Variants in MYO16 observed in about 807,000 individuals in gnomAD.
The protein encoded by MYO16 is myosin XVI.
MYO16 carries 94 observed loss-of-function variants against 205.3 expected under a neutral mutation model. The observed-to-expected ratio is 0.46, with a 90% CI of 0.39 to 0.54. The LOEUF is 0.54. Ranked by LOEUF, MYO16 falls within the 20% of genes least tolerant of loss-of-function variation. The probability of loss-of-function intolerance (pLI) is 0.00; values close to 1 mark genes in which losing one functional copy is unlikely to be tolerated. For synonymous variants in MYO16, 988 were observed against 954.0 expected (o/e 1.04, Z -0.66); for missense variants, 2,315 against 2,387.5 (o/e 0.97, Z 0.63).
At chr13:108,599,447 C>A (rs990430646) in intron 1 of MYO16, among the ~76,000 whole-genome samples, 1 of 152,102 alleles carries the variant, frequency 6.6e-6, no homozygotes, top group South Asian at 2.1e-4. Context: ...AACTAGTTTA[C>A]CGTCCCACTT....
intron 4 of MYO16, among the ~76,000 whole-genome samples, chr13:108,758,252 A>G (rs1885487431): frequency 6.6e-6 from 1 of 152,206 alleles, no homozygotes; most frequent in Non-Finnish European, 1.5e-5. Context: ...GTCTGAATAA[A>G]CTAAAACACT....
intron 4 of MYO16, among the ~76,000 whole-genome samples, chr13:108,783,318 C>G (rs1886362706): frequency 6.6e-6 from 1 of 152,164 alleles, no homozygotes; most frequent in Non-Finnish European, 1.5e-5. Context: ...CTTGCTTGGG[C>G]CCTGTAACCC....
chr13:109,056,991 G>C lies in MYO16; in HGVS notation c.3335+1396G>C, dbSNP rs1887437274. 2.0e-5 allele frequency among the ~76,000 whole-genome samples: 3 copies of C among 152,076 alleles called. No individual in the cohort carries two copies. In the South Asian group the frequency reaches 6.2e-4, roughly 31 times the overall value. On this transcript the variant is annotated intron_variant, in intron 27 of 34. Coordinates refer to ENST00000457511, the MANE Select transcript of MYO16 (RefSeq NM_001198950.3). The stretch of plus-strand genomic sequence containing the variant: ...TTCATCCAAAAAAGAGAGATTTTGA[G>C]ACTTTTGTTGACTAGTTCAATGTGA...
chr13:109,124,967 T>G (rs1419827652), intron 29 of MYO16, 145 bp from the exon 30 acceptor site: 1 of 897,254 alleles, frequency 1.1e-6, no homozygotes, highest in African/African-American at 1.7e-5. Context: ...GTGTTATCAC[T>G]GCTGATTTAG....
At chr13:108,685,808 G>A (rs1488854908) in intron 2 of MYO16, among the ~76,000 whole-genome samples, 1 of 152,146 alleles carries the variant, frequency 6.6e-6, no homozygotes, top group African/African-American at 2.4e-5. Context: ...TGGCTTACAG[G>A]CAGTGGTCTT....
chr13:108,529,989 C>T, the MYO16 span, among the ~76,000 whole-genome samples: 1 of 152,160 alleles, frequency 6.6e-6, no homozygotes, highest in Non-Finnish European at 1.5e-5. Context: ...CCAAGTAGTT[C>T]CCAACAATTT....
intron 5 of MYO16, among the ~76,000 whole-genome samples, chr13:108,793,034 A>C (rs1041253758): frequency 6.6e-6 from 1 of 152,240 alleles, no homozygotes; most frequent in Admixed American, 6.5e-5. Flanking sequence ...ATAACATCCC[A>C]GCACTTTGGG....
In MYO16 at chr13:108,665,882, C is replaced by A. The variant is rs1488408275; in HGVS notation, c.29-4C>A. The A allele has an allele frequency of 6.2e-7, 1 of 1,611,980 alleles. No individual in the cohort carries two copies. Among genetic ancestry groups the A allele is most frequent in the Admixed American group, 1.7e-5 (1 of 59,874 alleles). ...TGGTGACGCTCCCCTTGCATTTCTT[C>A]CAGGTTGCTTTCAGCTATGTAACGT... On this transcript the variant is annotated splice_polypyrimidine_tract_variant and splice_region_variant and intron_variant, in intron 1 of 34. Coordinates refer to ENST00000457511, the MANE Select transcript of MYO16 (RefSeq NM_001198950.3).
At chr13:109,085,795 A>G (rs1339056997) in intron 27 of MYO16, among the ~76,000 whole-genome samples, 1 of 152,190 alleles carries the variant, frequency 6.6e-6, no homozygotes, top group Non-Finnish European at 1.5e-5. Flanking sequence ...GGCAGGTAAC[A>G]GGGAACAACC....
chr13:108,767,008 G>A (rs1885797771), intron 4 of MYO16, among the ~76,000 whole-genome samples: 1 of 152,198 alleles, frequency 6.6e-6, no homozygotes, highest in African/African-American at 2.4e-5. Context: ...ATGTTTTGAA[G>A]ATGTCTTTCA....
intron 21 of MYO16, among the ~76,000 whole-genome samples, chr13:109,008,054 G>C (rs1021903758): frequency 6.6e-6 from 1 of 152,100 alleles, no homozygotes; most frequent in Admixed American, 6.5e-5. Flanking sequence ...TGTAATATTG[G>C]AATCATACTT....
intron 12 of MYO16, among the ~76,000 whole-genome samples, chr13:108,879,812 C>A (rs963585361): frequency 1.3e-5 from 2 of 152,158 alleles, no homozygotes; most frequent in African/African-American, 4.8e-5. Context: ...AGTAGTGCCG[C>A]AATAAACATA....
chr13:108,626,665 A>C (rs1879748226), upstream of MYO16, among the ~76,000 whole-genome samples: 2 of 151,808 alleles, frequency 1.3e-5, no homozygotes, highest in Non-Finnish European at 2.9e-5. Context: ...TTAGCTGGGC[A>C]TGGTAGTGGG....
intron 1 of MYO16, among the ~76,000 whole-genome samples, chr13:108,598,960 T>C (rs1022667128): frequency 8.0e-5 from 12 of 150,506 alleles, no homozygotes; most frequent in African/African-American, 2.7e-4. Flanking sequence ...ACTCGTCATT[T>C]AGCATTAGGT....
intron 9 of MYO16, among the ~76,000 whole-genome samples, chr13:108,827,074 C>T (rs1876312526): frequency 6.6e-6 from 1 of 152,026 alleles, no homozygotes; most frequent in African/African-American, 2.4e-5. Flanking sequence ...TATGTCTACA[C>T]AAAAACCTGT....
At chr13:108,519,726 C>T in the MYO16 span, among the ~76,000 whole-genome samples, 1 of 151,634 alleles carries the variant, frequency 6.6e-6, no homozygotes, top group African/African-American at 2.4e-5. Flanking sequence ...TTTACAAAGG[C>T]TATCTAAGCA....
the MYO16 span, among the ~76,000 whole-genome samples, chr13:108,524,995 T>G: frequency 1.3e-5 from 2 of 152,124 alleles, no homozygotes; most frequent in Admixed American, 1.3e-4. Flanking sequence ...TTTTTAAAAC[T>G]TTTTTAAAAA....
At chr13:109,071,788 G>C (rs1887933537) in intron 27 of MYO16, among the ~76,000 whole-genome samples, 1 of 152,026 alleles carries the variant, frequency 6.6e-6, no homozygotes, top group Non-Finnish European at 1.5e-5. Context: ...AGACTTTAAA[G>C]AGGAATCATC....
At chr13:109,052,825 A>G (rs1315463496) in intron 25 of MYO16, among the ~76,000 whole-genome samples, 1 of 152,128 alleles carries the variant, frequency 6.6e-6, no homozygotes, top group African/African-American at 2.4e-5. Context: ...TATTCTGTTG[A>G]TATTAATCAC....
Sources: gnomAD v4.1 joint callset for allele counts (sites outside exome capture counted in the v4.1 genomes callset) on GRCh38, gnomAD v4.1.1 for gene constraint, MANE v1.5 for transcripts, NCBI Gene and HGNC (gene_info 2026-07-23, HGNC 2026-07-21) for gene names.